TENM4: variants seen among roughly 807,000 people sequenced by gnomAD.
The protein encoded by TENM4 is teneurin-4.
Under a neutral mutation model 243.3 loss-of-function variants are expected in TENM4, and 82 were observed. The observed-to-expected ratio is 0.34, with a 90% CI of 0.28 to 0.40. The LOEUF is 0.40. Among genes scored for constraint, TENM4 ranks in the 10% least tolerant of loss-of-function variants. The pLI, the probability that TENM4 is intolerant of heterozygous loss-of-function variation, is 1.00. For synonymous variants in TENM4, 1,412 were observed against 1,456.3 expected (o/e 0.97, Z 0.69); for missense variants, 3,138 against 3,673.3 (o/e 0.85, Z 3.77).
chr11:79,330,463 C>T (rs576959519), intron 1 of TENM4, among the ~76,000 whole-genome samples: 1 of 152,286 alleles, frequency 6.6e-6, no homozygotes, highest in South Asian at 2.1e-4. Context: ...GAGAGTTGAT[C>T]ACAGGCCTTA....
intron 12 of TENM4, among the ~76,000 whole-genome samples, chr11:78,832,220 G>T (rs567585387): frequency 1.3e-5 from 2 of 152,140 alleles, no homozygotes; most frequent in South Asian, 4.1e-4. Flanking sequence ...AAATCCTTCC[G>T]GGCCTTCTTG....
chr11:78,750,376 G>T (rs957032813), intron 19 of TENM4, among the ~76,000 whole-genome samples: 2 of 152,238 alleles, frequency 1.3e-5, no homozygotes, highest in African/African-American at 4.8e-5. Context: ...GTTGTGACCT[G>T]CAATTTGATA....
At chr11:79,246,821 A>C (rs572663988) in intron 2 of TENM4, among the ~76,000 whole-genome samples, 4 of 152,056 alleles carry the variant, frequency 2.6e-5, no homozygotes, top group Non-Finnish European at 5.9e-5. Context: ...GTGAGGGAAG[A>C]GGGAGAGGGT....
chr11:78,675,627 G>C (rs546147018), intron 30 of TENM4, among the ~76,000 whole-genome samples: 45 of 152,346 alleles, frequency 3.0e-4, no homozygotes, highest in African/African-American at 1.1e-3. Flanking sequence ...AGCCCCAGCA[G>C]TGATGGCTCG....
intron 15 of TENM4, among the ~76,000 whole-genome samples, chr11:78,804,737 A>G (rs976410328): frequency 1.3e-5 from 2 of 152,320 alleles, no homozygotes; most frequent in Admixed American, 6.5e-5. Flanking sequence ...GGCCATGCTG[A>G]GTCCTGGGGC....
chr11:78,756,794 C>T lies in TENM4; in HGVS notation c.2756+11G>A, dbSNP rs754225628. ...GAGAGCCCTGGCTGGAGCTGGGGCCCTCGGACTCACCCTCCATCAAAGGGG... is the reference window on the plus strand; with the variant it reads ...GAGAGCCCTGGCTGGAGCTGGGGCCTTCGGACTCACCCTCCATCAAAGGGG... On this transcript the variant is annotated intron_variant, in intron 19 of 33. Transcript: ENST00000278550. 1.2e-6 allele frequency: 2 copies of T among 1,609,582 alleles called. No homozygotes were observed. The highest frequency in any genetic ancestry group is 1.7e-5 in the Admixed American group (1 of 59,536).
chr11:78,787,573 T>A (rs540958434), intron 15 of TENM4, among the ~76,000 whole-genome samples: 1 of 152,358 alleles, frequency 6.6e-6, no homozygotes, highest in East Asian at 1.9e-4. Context: ...TTCTGGGGCC[T>A]GCATTTCATG....
At chr11:79,263,036 A>AAAGAAT (rs1208602679) in intron 2 of TENM4, among the ~76,000 whole-genome samples, 2 of 152,216 alleles carry the variant, frequency 1.3e-5, no homozygotes. Context: ...CAATGGGCTC[A>AAAGAAT]GTGGCGAGAG....
At position 79,356,358 on chromosome 11, in the gene TENM4, C is replaced by A. The variant is rs569952497; in HGVS notation, c.-320-58815G>T. 3.3e-5 allele frequency among the ~76,000 whole-genome samples: 5 copies of A among 152,322 alleles called. No homozygotes were observed. The South Asian group carries it at 1.0e-3, about 32-fold the overall frequency. On this transcript the variant is annotated intron_variant, in intron 1 of 33. Transcript: ENST00000278550. ...AAGGGATACTAATTGAATCTGCCTC[C>A]TGGCTGGCTGTAAGGATCAAACAAG...
intron 9 of TENM4, among the ~76,000 whole-genome samples, chr11:78,888,075 G>T (rs1351091621): frequency 1.3e-5 from 2 of 152,160 alleles, no homozygotes; most frequent in Admixed American, 6.5e-5. Context: ...AACCCTCATT[G>T]GTAACCCACT....
chr11:79,173,161 A>G (rs1156564122), intron 3 of TENM4, among the ~76,000 whole-genome samples: 1 of 152,232 alleles, frequency 6.6e-6, no homozygotes, highest in African/African-American at 2.4e-5. Flanking sequence ...ACATGTATTT[A>G]TTGAGTACAT....
At chr11:79,180,589 C>T (rs1483561494) in intron 3 of TENM4, among the ~76,000 whole-genome samples, 1 of 151,462 alleles carries the variant, frequency 6.6e-6, no homozygotes, top group African/African-American at 2.4e-5. Context: ...AGTAATTGTG[C>T]GTGGGGTTAA....
intron 7 of TENM4, among the ~76,000 whole-genome samples, chr11:78,897,127 C>T (rs1255673944): frequency 6.6e-6 from 1 of 152,122 alleles, no homozygotes; most frequent in African/African-American, 2.4e-5. Context: ...CCGACATGAG[C>T]ACCCCCAGTA....
intron 1 of TENM4, among the ~76,000 whole-genome samples, chr11:79,316,421 T>C (rs534711676): frequency 6.6e-6 from 1 of 152,288 alleles, no homozygotes; most frequent in Non-Finnish European, 1.5e-5. Flanking sequence ...GGAAGGAATA[T>C]GGGTACAGCT....
intron 6 of TENM4, among the ~76,000 whole-genome samples, chr11:78,957,306 C>CAACAAA (rs747604985): frequency 6.6e-6 from 1 of 151,842 alleles, no homozygotes; most frequent in African/African-American, 2.4e-5. Flanking sequence ...TGGCATGAAA[C>CAACAAA]AACAACAACA....
At chr11:79,406,926 A>T (rs1338130860) in intron 1 of TENM4, among the ~76,000 whole-genome samples, 1 of 152,182 alleles carries the variant, frequency 6.6e-6, no homozygotes, top group South Asian at 2.1e-4. Context: ...GGAAAGCAAA[A>T]AAATTTGATC....
At chr11:78,689,413 A>G (rs1272627999) in intron 28 of TENM4, among the ~76,000 whole-genome samples, 1 of 151,836 alleles carries the variant, frequency 6.6e-6, no homozygotes, top group Admixed American at 6.6e-5. Context: ...TCTACATGGC[A>G]ATATTCCTGA....
chr11:78,672,335 G>A lies in TENM4; in HGVS notation c.5497-6C>T. ...AGGAGATTTCGGTTGTGAACCTGGA[G>A]AAAGGGTTGGAAGGAAAGAGAAAAT... On this transcript the variant is annotated splice_region_variant and splice_polypyrimidine_tract_variant and intron_variant, in intron 30 of 33. Transcript: ENST00000278550. The A allele has an allele frequency of 6.2e-7, 1 of 1,604,022 alleles. No homozygotes were observed. The highest frequency in any genetic ancestry group is 1.1e-5 in the South Asian group (1 of 90,436).
At chr11:79,201,378 T>G (rs1863733432) in intron 3 of TENM4, among the ~76,000 whole-genome samples, 1 of 152,092 alleles carries the variant, frequency 6.6e-6, no homozygotes, top group Admixed American at 6.6e-5. Flanking sequence ...GCCATATGCC[T>G]GCTGTGTAGG....
Sources: allele counts gnomAD v4.1 joint callset (sites outside exome capture counted in the v4.1 genomes callset), GRCh38; gene constraint gnomAD v4.1.1; transcripts MANE v1.5; gene names NCBI Gene and HGNC (gene_info 2026-07-23, HGNC 2026-07-21).